Variants in G3BP2 observed in about 807,000 individuals in gnomAD.
The protein encoded by G3BP2 is G3BP stress granule assembly factor 2, also known as ras GTPase-activating protein-binding protein 2.
A neutral mutation model predicts 56.7 loss-of-function variants in G3BP2; 11 were observed. That is an observed-to-expected ratio of 0.19 (90% CI 0.12 to 0.32). The LOEUF (loss-of-function observed/expected upper bound fraction) is 0.32. Ranked by LOEUF, G3BP2 falls within the 10% of genes least tolerant of loss-of-function variation. G3BP2 has a pLI of 1.00. For missense variants in G3BP2, 340 were observed against 610.9 expected (o/e 0.56, Z 4.67); for synonymous variants, 165 against 191.6 (o/e 0.86, Z 1.15).
intron 2 of G3BP2, among the ~76,000 whole-genome samples, chr4:75,721,068 C>A (rs1368201870): frequency 1.3e-5 from 2 of 151,612 alleles, no homozygotes; most frequent in African/African-American, 4.9e-5. Context: ...GCTCTTGAAC[C>A]CAGGAGTTCC....
Position 75,673,254 on chromosome 4 carries a change from G to A in G3BP2, c.-71C>T, listed in dbSNP as rs1194775237. The A allele has an allele frequency of 3.3e-6, 4 of 1,222,546 alleles. No individual in the cohort carries two copies. The highest frequency in any genetic ancestry group is 3.2e-5 in the East Asian group (1 of 31,100). The allele number at this position is 1,222,546 out of a possible 1,614,324, so 75.7% of individuals were successfully genotyped here. On this transcript the variant is annotated 5_prime_UTR_variant, in exon 1 of 12. Transcript: ENST00000359707. ...GGTACGTCGCGCGGAGGTCAGAAGA[G>A]TCGCTGAGGACCGGGTGCGGCGGGT... is the stretch of plus-strand genomic sequence containing the variant.
At chr4:75,660,069 C>A (rs1732428509) in intron 2 of G3BP2, among the ~76,000 whole-genome samples, 1 of 152,106 alleles carries the variant, frequency 6.6e-6, no homozygotes, top group Non-Finnish European at 1.5e-5. Flanking sequence ...ATTATAACAA[C>A]CTGAATTTTC....
intron 3 of G3BP2, among the ~76,000 whole-genome samples, chr4:75,699,437 T>G (rs7672378): frequency 6.6e-6 from 1 of 151,930 alleles, no homozygotes; most frequent in South Asian, 2.1e-4. Context: ...AGAGCAGAGT[T>G]TCAGAGAGTT....
upstream of G3BP2, chr4:75,673,787 G>T: frequency 2.7e-6 from 1 of 369,110 alleles, no homozygotes. Context: ...ATGGGAAGGA[G>T]GGAATTTAGT....
intron 8 of G3BP2, among the ~76,000 whole-genome samples, chr4:75,650,555 A>G (rs993184497): frequency 1.5e-4 from 23 of 152,084 alleles, no homozygotes; most frequent in African/African-American, 5.3e-4. Flanking sequence ...CTCTTCCTAA[A>G]TTCTGTTTTC....
intron 1 of G3BP2, among the ~76,000 whole-genome samples, chr4:75,665,606 C>A (rs1343896068): frequency 6.7e-6 from 1 of 149,856 alleles, no homozygotes; most frequent in Non-Finnish European, 1.5e-5. Flanking sequence ...GTGGTGCACA[C>A]CTGTAGTCAC....
At chr4:75,664,728 A>G (rs1732860312) in intron 1 of G3BP2, among the ~76,000 whole-genome samples, 1 of 152,070 alleles carries the variant, frequency 6.6e-6, no homozygotes, top group African/African-American at 2.4e-5. Flanking sequence ...CACACCTGTA[A>G]TCTCAGCTAC....
At chr4:75,708,622 C>T (rs1401349110) in intron 3 of G3BP2, among the ~76,000 whole-genome samples, 2 of 152,148 alleles carry the variant, frequency 1.3e-5, no homozygotes, top group Non-Finnish European at 2.9e-5. Flanking sequence ...TTGGGGAATA[C>T]AATAATGATA....
At chr4:75,693,720 CAG>C (rs1718973789) in intron 3 of G3BP2, among the ~76,000 whole-genome samples, 1 of 151,066 alleles carries the variant, frequency 6.6e-6, no homozygotes, top group South Asian at 2.1e-4. Flanking sequence ...ACCCGGGAGG[CAG>C]AGTTTGCAGT....
At chr4:75,659,771 C>T (rs1357634214) in intron 2 of G3BP2, among the ~76,000 whole-genome samples, 1 of 152,146 alleles carries the variant, frequency 6.6e-6, no homozygotes, top group Non-Finnish European at 1.5e-5. Context: ...AGGTAATATA[C>T]CTATCAAGTG....
rs1732308164 is a variant in G3BP2, at chr4:75,658,697, A to C, written c.177+146T>G. On this transcript the variant is annotated intron_variant, in intron 3 of 11. Transcript: ENST00000359707. The stretch of plus-strand genomic sequence containing the variant: ...AGCTGAGATCGCACCACTGCACTCC[A>C]GCCTGGGCAACAAGAGCAAAACTCC... The C allele has an allele frequency of 5.1e-5, 32 of 629,350 alleles. 1 individual carries two copies. The South Asian group carries it at 5.8e-4, about 11-fold the overall frequency. 39.0% of individuals were successfully genotyped at this position (629,350 alleles called of 1,614,324 possible).
chr4:75,653,507 A>G (rs913836729), intron 8 of G3BP2, among the ~76,000 whole-genome samples: 3 of 151,456 alleles, frequency 2.0e-5, no homozygotes, highest in Admixed American at 6.6e-5. Flanking sequence ...ACAGGCTTCA[A>G]TTAAGTGGTG....
intron 3 of G3BP2, among the ~76,000 whole-genome samples, chr4:75,695,697 AG>A (rs1396234136): frequency 6.6e-6 from 1 of 152,148 alleles, no homozygotes; most frequent in Admixed American, 6.6e-5. Flanking sequence ...ACCTGAGGCC[AG>A]GCATGGTGGC....
intron 3 of G3BP2, among the ~76,000 whole-genome samples, chr4:75,707,001 T>C (rs1300412676): frequency 2.6e-5 from 4 of 151,252 alleles, no homozygotes; most frequent in Non-Finnish European, 1.5e-5. Flanking sequence ...GAGAGCAGCC[T>C]GACCAACATG....
chr4:75,676,334 T>C (rs1423862486), upstream of G3BP2, among the ~76,000 whole-genome samples: 8 of 134,206 alleles, frequency 6.0e-5, no homozygotes, highest in South Asian at 4.7e-4. Flanking sequence ...CAATTGCCAA[T>C]AATTTTTTTT....
intron 1 of G3BP2, among the ~76,000 whole-genome samples, chr4:75,671,232 C>A (rs1236863153): frequency 6.6e-6 from 1 of 152,108 alleles, no homozygotes; most frequent in Non-Finnish European, 1.5e-5. Context: ...TTAGTTTGTG[C>A]CTTTCAAAAT....
intron 8 of G3BP2, among the ~76,000 whole-genome samples, chr4:75,651,986 T>C (rs1731729304): frequency 1.3e-5 from 2 of 152,202 alleles, no homozygotes; most frequent in Non-Finnish European, 2.9e-5. Context: ...AGGAAATGAA[T>C]ACTACACAAA....
At chr4:75,659,780 T>G (rs1732406258) in intron 2 of G3BP2, among the ~76,000 whole-genome samples, 1 of 152,196 alleles carries the variant, frequency 6.6e-6, no homozygotes, top group South Asian at 2.1e-4. Context: ...ACCTATCAAG[T>G]GGGGCACCCA....
intron 1 of G3BP2, among the ~76,000 whole-genome samples, chr4:75,664,650 C>A (rs1221646854): frequency 1.3e-5 from 2 of 152,088 alleles, no homozygotes; most frequent in Non-Finnish European, 2.9e-5. Context: ...GAGTTCGAGA[C>A]CAGCCTGACC....
Sources: gnomAD v4.1 joint callset for allele counts (sites outside exome capture counted in the v4.1 genomes callset) on GRCh38, gnomAD v4.1.1 for gene constraint, MANE v1.5 for transcripts, NCBI Gene and HGNC (gene_info 2026-07-23, HGNC 2026-07-21) for gene names.